GRIN2B: variants seen among roughly 807,000 people sequenced by gnomAD.
GRIN2B encodes glutamate ionotropic receptor NMDA type subunit 2B, also known as glutamate receptor ionotropic, NMDA 2B.
A neutral mutation model predicts 114.5 loss-of-function variants in GRIN2B; 5 were observed. The observed-to-expected ratio is 0.04, with a 90% CI of 0.02 to 0.09. The LOEUF (loss-of-function observed/expected upper bound fraction) is 0.09. Among genes scored for constraint, GRIN2B ranks in the 10% least tolerant of loss-of-function variants. The probability of loss-of-function intolerance (pLI) is 1.00; values close to 1 mark genes in which losing one functional copy is unlikely to be tolerated. For synonymous variants in GRIN2B, 787 were observed against 745.1 expected, an observed-to-expected ratio of 1.06 and a Z score of -0.92; for missense variants, 1,108 against 1,943.5, an observed-to-expected ratio of 0.57 and a Z score of 8.08.
At chr12:13,933,295 G>T (rs1422367460) in intron 2 of GRIN2B, among the ~76,000 whole-genome samples, 1 of 152,064 alleles carries the variant, frequency 6.6e-6, no homozygotes, top group South Asian at 2.1e-4. Flanking sequence ...ACACAGGTAG[G>T]ACCCAAAAGA....
chr12:13,761,155 G>T (rs1263756063), intron 3 of GRIN2B, among the ~76,000 whole-genome samples: 1 of 152,140 alleles, frequency 6.6e-6, no homozygotes, highest in Non-Finnish European at 1.5e-5. Context: ...AGTTTTCAAA[G>T]AAATTCAAGC....
intron 5 of GRIN2B, among the ~76,000 whole-genome samples, chr12:13,655,507 A>G (rs1240346572): frequency 6.6e-6 from 1 of 152,156 alleles, no homozygotes; most frequent in Non-Finnish European, 1.5e-5. Flanking sequence ...TGCATCCTCA[A>G]TAGAATGAGA....
intron 10 of GRIN2B, among the ~76,000 whole-genome samples, chr12:13,576,350 AT>A (rs34374408): frequency 0.084 from 12,838 of 152,148 alleles, 616 homozygotes; most frequent in African/African-American, 0.12. Context: ...CTGAGTGGCA[AT>A]TTGGGAACGA....
At chr12:13,731,171 G>A (rs1167751507) in intron 4 of GRIN2B, among the ~76,000 whole-genome samples, 5 of 152,144 alleles carry the variant, frequency 3.3e-5, no homozygotes, top group Admixed American at 6.6e-5. Flanking sequence ...GTAATTCCAC[G>A]TTCCAGACTG....
intron 3 of GRIN2B, among the ~76,000 whole-genome samples, chr12:13,781,097 G>A (rs568369886): frequency 1.3e-5 from 2 of 152,190 alleles, no homozygotes; most frequent in Admixed American, 6.5e-5. Flanking sequence ...ATAACCAAAG[G>A]AAACTTACTG....
At chr12:13,940,551 A>C (rs1367014306) in intron 2 of GRIN2B, among the ~76,000 whole-genome samples, 1 of 152,134 alleles carries the variant, frequency 6.6e-6, no homozygotes, top group Non-Finnish European at 1.5e-5. Context: ...CAAGGGGTGT[A>C]ACTAGGAGAT....
At chr12:13,929,103 T>G (rs1055796560) in intron 2 of GRIN2B, among the ~76,000 whole-genome samples, 9 of 152,250 alleles carry the variant, frequency 5.9e-5, no homozygotes, top group Non-Finnish European at 1.3e-4. Flanking sequence ...GAATTCAGTG[T>G]GTCTAGCACA....
chr12:13,711,553 CAA>C (rs1950414323), intron 4 of GRIN2B, among the ~76,000 whole-genome samples: 1 of 152,038 alleles, frequency 6.6e-6, no homozygotes, highest in African/African-American at 2.4e-5. Flanking sequence ...ACAACCCCAT[CAA>C]AAAGTGGGCA....
rs879884727 is a variant in GRIN2B at position 13,541,869 on chromosome 12, C to G, written c.*20914G>C. ...GCACAGGAAATAGAATTAGTGCATC[C>G]TCTGTGTCAGAAACAACGTGCAGTG... On this transcript the variant is annotated 3_prime_UTR_variant, in exon 14 of 14. Coordinates refer to ENST00000609686, the MANE Select transcript of GRIN2B (RefSeq NM_000834.5). 1.9e-4 allele frequency: 29 copies of G among 152,376 alleles called. No homozygotes were observed. The highest frequency in any genetic ancestry group is 3.8e-4 in the Non-Finnish European group (26 of 68,022). The allele number at this position is 152,376 out of a possible 1,614,324, so 9.4% of individuals were successfully genotyped here.
chr12:13,774,317 GA>G (rs1422328627), intron 3 of GRIN2B, among the ~76,000 whole-genome samples: 9 of 152,114 alleles, frequency 5.9e-5, no homozygotes, highest in African/African-American at 2.2e-4. Context: ...ATCAAAAAGT[GA>G]AAAAAATAGA....
chr12:13,800,472 T>C (rs1450128286), intron 3 of GRIN2B, among the ~76,000 whole-genome samples: 1 of 152,226 alleles, frequency 6.6e-6, no homozygotes, highest in Non-Finnish European at 1.5e-5. Context: ...AGTGGCTTCA[T>C]AGTTATTAAT....
intron 3 of GRIN2B, among the ~76,000 whole-genome samples, chr12:13,818,757 C>T (rs1864876028): frequency 6.6e-6 from 1 of 152,182 alleles, no homozygotes; most frequent in Non-Finnish European, 1.5e-5. Flanking sequence ...GAGCCTGTCC[C>T]AGAGACTGGT....
intron 3 of GRIN2B, among the ~76,000 whole-genome samples, chr12:13,818,923 A>T (rs183560291): frequency 6.6e-6 from 1 of 152,216 alleles, no homozygotes; most frequent in Non-Finnish European, 1.5e-5. Context: ...CTCTACAGCC[A>T]CATAACCTCG....
intron 3 of GRIN2B, among the ~76,000 whole-genome samples, chr12:13,860,351 CAG>C (rs1330999995): frequency 6.6e-6 from 1 of 152,146 alleles, no homozygotes; most frequent in East Asian, 1.9e-4. Context: ...ATTTTTGAGA[CAG>C]AGTCTCGCTC....
intron 4 of GRIN2B, among the ~76,000 whole-genome samples, chr12:13,742,632 T>C (rs1215388192): frequency 6.6e-6 from 1 of 152,154 alleles, no homozygotes; most frequent in Non-Finnish European, 1.5e-5. Context: ...AGTTTCACCA[T>C]GTTGGCCAGG....
chr12:13,977,462 A>G (rs1346147336), intron 2 of GRIN2B: 2 of 152,102 alleles, frequency 1.3e-5, no homozygotes, highest in African/African-American at 4.8e-5. Flanking sequence ...TCACCCACCT[A>G]ATGTCCTTAA....
chr12:13,571,703 T>C, intron 11 of GRIN2B, 101 bp downstream of exon 11: 1 of 1,242,814 alleles, frequency 8.0e-7, no homozygotes, highest in Non-Finnish European at 1.2e-6. Flanking sequence ...TTTAACATTT[T>C]ATGATACCAA....
rs56360153 is a variant in GRIN2B, at chr12:13,717,066, C to CGTGTGTGTGTGT, written c.1010+36239_1010+36250dup. On this transcript the variant is annotated intron_variant, in intron 4 of 13. Transcript: ENST00000609686. ...TGTTTGCATTGTATCATGCCATACG[C>CGTGTGTGTGTGT]GTGTGTGTGTGTGTGTGTGTGTGTG... Among the ~76,000 whole-genome samples, 696 of 146,028 alleles carry CGTGTGTGTGTGT rather than the reference C, an allele frequency of 4.8e-3. 4 individuals are homozygous for CGTGTGTGTGTGT. Among genetic ancestry groups the CGTGTGTGTGTGT allele is most frequent in the Non-Finnish European group, 5.7e-3 (380 of 66,406 alleles).
At chr12:13,830,806 T>C (rs537762040) in intron 3 of GRIN2B, among the ~76,000 whole-genome samples, 1 of 152,292 alleles carries the variant, frequency 6.6e-6, no homozygotes, top group Admixed American at 6.5e-5. Flanking sequence ...GAAGAGGAAA[T>C]AAGGCCTAAC....
Sources: gnomAD v4.1 joint callset for allele counts (sites outside exome capture counted in the v4.1 genomes callset) on GRCh38, gnomAD v4.1.1 for gene constraint, MANE v1.5 for transcripts, NCBI Gene and HGNC (gene_info 2026-07-23, HGNC 2026-07-21) for gene names.